Variants in NXPE2 observed in about 807,000 individuals in gnomAD.
NXPE2 encodes NXPE family member 2.
Under a neutral mutation model 34.4 loss-of-function variants are expected in NXPE2, and 34 were observed. The observed-to-expected ratio is 0.99, with a 90% confidence interval of 0.75 to 1.31. The LOEUF (loss-of-function observed/expected upper bound fraction) is 1.31, where lower values mean the gene tolerates loss of function less well. Among genes scored for constraint, NXPE2 ranks in the 40% most tolerant of loss-of-function variants. The pLI is 0.00. For synonymous variants in NXPE2, 235 were observed against 231.3 expected, an observed-to-expected ratio of 1.02 and a Z score of -0.15; for missense variants, 649 against 672.5, an observed-to-expected ratio of 0.97 and a Z score of 0.39.
chr11:114,569,369 C>A, the NXPE2 span, among the ~76,000 whole-genome samples: 3 of 151,366 alleles, frequency 2.0e-5, no homozygotes, highest in African/African-American at 7.3e-5. Context: ...ATTATAGGGA[C>A]CATTGTTATT....
At chr11:114,773,330 C>G in the NXPE2 span, among the ~76,000 whole-genome samples, 1 of 139,336 alleles carries the variant, frequency 7.2e-6, no homozygotes, top group Admixed American at 7.7e-5. Flanking sequence ...CTGGGTCTCT[C>G]CATCTCCAGA....
chr11:114,765,246 A>C, the NXPE2 span, among the ~76,000 whole-genome samples: 1 of 129,072 alleles, frequency 7.7e-6, no homozygotes, highest in African/African-American at 2.6e-5. Flanking sequence ...TCCAACAAAT[A>C]CAGACATACT....
chr11:114,502,976 A>C, the NXPE2 span, among the ~76,000 whole-genome samples: 1 of 152,202 alleles, frequency 6.6e-6, no homozygotes, highest in Non-Finnish European at 1.5e-5. Context: ...ACAGTGGAGA[A>C]ATGTGTCTTC....
chr11:114,530,136 CAG>C, the NXPE2 span: 1 of 1,546,338 alleles, frequency 6.5e-7, no homozygotes, highest in South Asian at 1.3e-5. Flanking sequence ...GGGCACTTCT[CAG>C]GGGACACTTC....
At chr11:114,499,125 A>G in the NXPE2 span, among the ~76,000 whole-genome samples, 1 of 152,074 alleles carries the variant, frequency 6.6e-6, no homozygotes. Context: ...GTTTTTAGAA[A>G]ATCACACGTC....
Position 114,706,868 on chromosome 11 carries a change from G to A in NXPE2, c.1618G>A (p.Ala540Thr), listed in dbSNP as rs1352610542. The change falls in exon 6 of 6, where the codon GCC becomes ACC. Residue 540 changes from alanine (A) to threonine (T), a missense_variant. Coordinates refer to ENST00000389586, the MANE Select transcript of NXPE2 (RefSeq NM_182495.6). ...DMTIAYCTNN[A>T]HPPDYVIQNQ... ...GACGATTGCATATTGCACCAACAAT[G>A]CCCATCCACCGGATTATGTGATTCA... The A allele has an allele frequency of 1.3e-5, 20 of 1,551,656 alleles. No individual in the cohort carries two copies. The highest frequency in any genetic ancestry group is 1.7e-4 in the Middle Eastern group (1 of 6,018).
At chr11:114,640,098 A>AT in the NXPE2 span, among the ~76,000 whole-genome samples, 1 of 123,012 alleles carries the variant, frequency 8.1e-6, no homozygotes, top group Non-Finnish European at 1.6e-5. Context: ...AATATAATAT[A>AT]TGATTATATA....
chr11:114,560,383 G>T, the NXPE2 span, among the ~76,000 whole-genome samples: 1 of 149,194 alleles, frequency 6.7e-6, no homozygotes, highest in Non-Finnish European at 1.5e-5. Flanking sequence ...CCATCCTTCT[G>T]CCTTGGGCCT....
At chr11:114,590,357 G>C in the NXPE2 span, among the ~76,000 whole-genome samples, 5 of 152,212 alleles carry the variant, frequency 3.3e-5, no homozygotes, top group Non-Finnish European at 7.3e-5. Context: ...AGCATTAGGG[G>C]AAGAAAGAAT....
chr11:114,592,210 G>T, the NXPE2 span, among the ~76,000 whole-genome samples: 1 of 152,066 alleles, frequency 6.6e-6, no homozygotes, highest in African/African-American at 2.4e-5. Context: ...GGGCATACAA[G>T]TTGGAAAGAA....
At chr11:114,805,191 G>GT in the NXPE2 span, among the ~76,000 whole-genome samples, 12,196 of 146,098 alleles carry the variant, frequency 0.083, 497 homozygotes, top group South Asian at 0.098. Context: ...ACCACAAGGA[G>GT]TTTTTTTTTT....
the NXPE2 span, among the ~76,000 whole-genome samples, chr11:114,569,852 C>G: frequency 2.0e-5 from 3 of 152,174 alleles, no homozygotes; most frequent in Admixed American, 2.0e-4. Context: ...CCCCCACACT[C>G]AAGTTAAAAG....
chr11:114,504,880 G>A, the NXPE2 span, among the ~76,000 whole-genome samples: 1 of 152,168 alleles, frequency 6.6e-6, no homozygotes, highest in Non-Finnish European at 1.5e-5. Context: ...CCCAGCTGAG[G>A]CTGAGATGGC....
the NXPE2 span, among the ~76,000 whole-genome samples, chr11:114,499,288 C>A: frequency 2.0e-5 from 3 of 152,010 alleles, no homozygotes; most frequent in South Asian, 4.1e-4. Context: ...GAGGCTTGTC[C>A]ATTTTATTGA....
At chr11:114,740,119 CAA>C in the NXPE2 span, among the ~76,000 whole-genome samples, 1 of 151,994 alleles carries the variant, frequency 6.6e-6, no homozygotes, top group Non-Finnish European at 1.5e-5. Context: ...AAATCGAGAG[CAA>C]TAACTAAGAA....
At chr11:114,726,105 C>T in the NXPE2 span, among the ~76,000 whole-genome samples, 1 of 150,810 alleles carries the variant, frequency 6.6e-6, no homozygotes, top group African/African-American at 2.4e-5. Flanking sequence ...CTTTATTTTA[C>T]CTCATTCTTG....
At chr11:114,679,506 C>A in intron 1 of NXPE2, 151 bp from the exon 2 acceptor site, 1 of 478,480 alleles carries the variant, frequency 2.1e-6, no homozygotes, top group Non-Finnish European at 3.7e-6. Context: ...CACTTTGTTT[C>A]TGATTGACAA....
intron 2 of NXPE2, among the ~76,000 whole-genome samples, chr11:114,687,767 A>T (rs1350114340): frequency 6.6e-6 from 1 of 151,920 alleles, no homozygotes; most frequent in African/African-American, 2.4e-5. Context: ...GTTGTCTATG[A>T]TCTTTCTCCT....
chr11:114,697,622 A>G (rs1178681654), intron 2 of NXPE2, among the ~76,000 whole-genome samples: 2 of 152,218 alleles, frequency 1.3e-5, no homozygotes, highest in South Asian at 2.1e-4. Flanking sequence ...CACTTCCTCC[A>G]ACAGCAGTGG....
Sources: gnomAD v4.1 joint callset for allele counts (sites outside exome capture counted in the v4.1 genomes callset) on GRCh38, gnomAD v4.1.1 for gene constraint, MANE v1.5 for transcripts, NCBI Gene and HGNC (gene_info 2026-07-23, HGNC 2026-07-21) for gene names.